CHIT1: variants seen among roughly 807,000 people sequenced by gnomAD.
The protein encoded by CHIT1 is chitotriosidase-1.
In CHIT1, 47 loss-of-function variants were observed where a neutral mutation model predicts 52.0. The observed-to-expected ratio is 0.90, with a 90% confidence interval of 0.71 to 1.15. CHIT1 has a LOEUF of 1.15. Ranked by LOEUF, CHIT1 falls within the 50% of genes most tolerant of loss-of-function variation. The pLI is 0.00. For missense variants in CHIT1, 569 were observed against 583.0 expected (o/e 0.98, Z 0.25); for synonymous variants, 242 against 228.2 (o/e 1.06, Z -0.54).
chr1:203,221,588 AC>A (rs1325583303), intron 7 of CHIT1, among the ~76,000 whole-genome samples: 1 of 152,136 alleles, frequency 6.6e-6, no homozygotes, highest in Non-Finnish European at 1.5e-5. Flanking sequence ...GCCACTGCAT[AC>A]CCTCCTTGGT....
chr1:203,216,449 G>C lies in CHIT1; in HGVS notation c.*440C>G, dbSNP rs1313903052. ...CAGAAGCTCCTGTTTCCAGGCTTCTGAGCCAATAACCAAAGAACGTGTTGC... is the reference window on the plus strand; with the variant it reads ...CAGAAGCTCCTGTTTCCAGGCTTCTCAGCCAATAACCAAAGAACGTGTTGC... On this transcript the variant is annotated 3_prime_UTR_variant, in exon 11 of 11. Transcript: ENST00000367229. 1 of 455,512 alleles carries C rather than the reference G, an allele frequency of 2.2e-6. No individual in the cohort carries two copies. The highest frequency in any genetic ancestry group is 1.6e-5 in the South Asian group (1 of 64,476). The allele number at this position is 455,512 out of a possible 1,614,324, so 28.2% of individuals were successfully genotyped here.
rs199925927 is a variant in CHIT1 at position 203,216,845 on chromosome 1, C to T, written c.*44G>A. 16 of 1,612,650 alleles carry T rather than the reference C, an allele frequency of 9.9e-6. No homozygotes were observed. The highest frequency in any genetic ancestry group is 3.9e-4 in the Middle Eastern group (2 of 5,072). ...CCCAGGAGGCAGGCTGTAGAGTGAT[C>T]CTGGGCCCAGCCTCAAAGCTGGGAC... On this transcript the variant is annotated 3_prime_UTR_variant, in exon 11 of 11. Transcript: ENST00000367229.
At chr1:203,218,499 C>T (rs1656619603) in intron 9 of CHIT1, among the ~76,000 whole-genome samples, 1 of 152,140 alleles carries the variant, frequency 6.6e-6, no homozygotes, top group African/African-American at 2.4e-5. Context: ...GCTTGGGGGT[C>T]CAGCTATGTG....
chr1:203,217,485 C>T (rs1286615900), intron 10 of CHIT1: 7 of 1,193,632 alleles, frequency 5.9e-6, no homozygotes, highest in Admixed American at 4.1e-5. Context: ...AGTCTGGGGG[C>T]CCTCTGGAGG....
chr1:203,218,101 G>A (rs1315275100), intron 9 of CHIT1: 12 of 1,488,784 alleles, frequency 8.1e-6, no homozygotes, highest in East Asian at 2.8e-5. Flanking sequence ...CCTGGGGTGG[G>A]GTGGGTGCAG....
intron 9 of CHIT1, 45 bp downstream of exon 9, chr1:203,219,171 C>T (rs747210896): frequency 3.0e-6 from 3 of 991,076 alleles, no homozygotes; most frequent in East Asian, 4.7e-5. Context: ...ATTGACAGGA[C>T]TTGTTCACTA....
chr1:203,228,728 T>C (rs1165001392), intron 1 of CHIT1, among the ~76,000 whole-genome samples, 166 bp from the exon 2 acceptor site: 1 of 152,152 alleles, frequency 6.6e-6, no homozygotes, highest in Non-Finnish European at 1.5e-5. Context: ...CATCCCTTCA[T>C]GCAGACCAGA....
Position 203,219,237 on chromosome 1 carries a change from A to G in CHIT1, c.1008T>C (p.Asp336=), listed in dbSNP as rs144892934. ...TCACCTTGGTTTTGAAGCTCTCCAC[A>G]TCATCAAAGCCCACCCACTGGTTGT... The part of the protein sequence containing the change: ...FRDNQWVGFD[D]VESFKTKVSY... The change falls in exon 9 of 11, where the codon GAT becomes GAC. Residue 336 remains aspartate, a synonymous_variant. Transcript: ENST00000367229. The G allele has an allele frequency of 1.9e-6, 3 of 1,607,120 alleles. No individual in the cohort carries two copies. Among genetic ancestry groups the G allele is most frequent in the Non-Finnish European group, 2.6e-6 (3 of 1,173,516 alleles).
At chr1:203,224,934 T>C in intron 4 of CHIT1, 114 bp downstream of exon 4, 1 of 982,148 alleles carries the variant, frequency 1.0e-6, no homozygotes, top group Non-Finnish European at 1.6e-6. Context: ...TCCCCTCCCC[T>C]TTCCCCTGAC....
intron 4 of CHIT1, among the ~76,000 whole-genome samples, chr1:203,224,720 G>A (rs1656861608): frequency 6.6e-6 from 1 of 152,316 alleles, no homozygotes; most frequent in African/African-American, 2.4e-5. Context: ...GACACTGCAT[G>A]TTGTCAGGAT....
At chr1:203,223,863 A>G (rs1656832396) in intron 4 of CHIT1, among the ~76,000 whole-genome samples, 1 of 152,100 alleles carries the variant, frequency 6.6e-6, no homozygotes, top group Non-Finnish European at 1.5e-5. Flanking sequence ...CATCCAGAGC[A>G]CTTTCTACCC....
intron 10 of CHIT1, 127 bp from the exon 11 acceptor site, chr1:203,217,260 G>A: frequency 1.9e-6 from 3 of 1,576,302 alleles, no homozygotes; most frequent in Non-Finnish European, 2.6e-6. Context: ...GCTGAGTACA[G>A]CCAGATACCC....
chr1:203,228,506 G>A (rs1204966732), intron 2 of CHIT1, 27 bp downstream of exon 2: 3 of 1,579,288 alleles, frequency 1.9e-6, no homozygotes, highest in Non-Finnish European at 2.6e-6. Context: ...GGAAGGGGCT[G>A]AGGCAGCCAA....
chr1:203,224,430 T>G (rs1335540873), intron 4 of CHIT1, among the ~76,000 whole-genome samples: 1 of 152,228 alleles, frequency 6.6e-6, no homozygotes, highest in Non-Finnish European at 1.5e-5. Flanking sequence ...TTTTGGAAGA[T>G]GAGTAATCAC....
At chr1:203,218,026 G>A (rs1209463561) in intron 9 of CHIT1, 161 bp from the exon 10 acceptor site, 3 of 1,533,196 alleles carry the variant, frequency 2.0e-6, no homozygotes, top group Non-Finnish European at 2.6e-6. Context: ...GAGCCTGGAT[G>A]CTGAGTCCTC....
rs745573331 is a variant in CHIT1, at chr1:203,219,741, T to A, written c.838A>T (p.Arg280Ter). Reference protein sequence around the residue: ...SFTLASSSDTRVGAPATGSGT... With the variant: ...SFTLASSSDT ...GACCCTGTGGCTGGGGCCCCCACTCTGGTGTCTGATGAGGAGGCCAGTGTG... is the reference window on the plus strand; with the variant it reads ...GACCCTGTGGCTGGGGCCCCCACTCAGGTGTCTGATGAGGAGGCCAGTGTG... Residue 280 changes from arginine to a stop codon, truncating the protein, a stop_gained, in exon 8 of 11, where the codon AGA becomes TGA. Transcript: ENST00000367229. LOFTEE classifies it high-confidence loss of function. 1.1e-5 allele frequency: 17 copies of A among 1,613,866 alleles called. No homozygotes were observed. The highest frequency in any genetic ancestry group is 8.5e-7 in the Non-Finnish European group (1 of 1,180,004).
chr1:203,216,599 C>G lies in CHIT1; in HGVS notation c.*290G>C. ...CTGCACGGACCACCTTCCCACCTGG[C>G]TCTGACCTGCGGATGTTTTGGAGTC... On this transcript the variant is annotated 3_prime_UTR_variant, in exon 11 of 11. Transcript: ENST00000367229. 1 of 507,110 alleles carries G rather than the reference C, an allele frequency of 2.0e-6. No homozygotes were observed. Among genetic ancestry groups the G allele is most frequent in the Non-Finnish European group, 3.8e-6 (1 of 261,990 alleles). 31.4% of individuals were successfully genotyped at this position (507,110 alleles called of 1,614,324 possible). A position where few individuals can be genotyped will look rare whatever the true frequency, so the allele number is the denominator to read the frequency against.
chr1:203,217,991 G>C, intron 9 of CHIT1, 126 bp from the exon 10 acceptor site: 3 of 1,537,124 alleles, frequency 2.0e-6, no homozygotes, highest in Non-Finnish European at 2.6e-6. Context: ...AGTGGCTGTA[G>C]ATTCTGGAGA....
chr1:203,226,444 G>T (rs1015632419), intron 2 of CHIT1, among the ~76,000 whole-genome samples: 1 of 152,220 alleles, frequency 6.6e-6, no homozygotes, highest in Non-Finnish European at 1.5e-5. Flanking sequence ...AAACGGTTTG[G>T]AATACCTCAG....
Sources: gnomAD v4.1 joint callset for allele counts (sites outside exome capture counted in the v4.1 genomes callset) on GRCh38, gnomAD v4.1.1 for gene constraint, MANE v1.5 for transcripts, NCBI Gene and HGNC (gene_info 2026-07-23, HGNC 2026-07-21) for gene names.